TBL1XR1: variants seen among roughly 807,000 people sequenced by gnomAD.
TBL1XR1 encodes the protein TBL1X/Y related 1, also known as F-box-like/WD repeat-containing protein TBL1XR1.
Under a neutral mutation model 66.9 loss-of-function variants are expected in TBL1XR1, and 5 were observed. The ratio of observed to expected loss-of-function variants is 0.07; its 90% CI spans 0.04 to 0.16. TBL1XR1 has a LOEUF of 0.16. Ranked by LOEUF, TBL1XR1 falls within the 10% of genes least tolerant of loss-of-function variation. The pLI is 1.00. For synonymous variants in TBL1XR1, 210 were observed against 206.0 expected (o/e 1.02, Z -0.17); for missense variants, 238 against 623.2 (o/e 0.38, Z 6.58).
At chr3:177,087,448 C>T (rs1577123864) in intron 2 of TBL1XR1, among the ~76,000 whole-genome samples, 1 of 152,002 alleles carries the variant, frequency 6.6e-6, no homozygotes, top group African/African-American at 2.4e-5. Flanking sequence ...TTTAGCATTC[C>T]AACCTTTTTG....
intron 3 of TBL1XR1, among the ~76,000 whole-genome samples, chr3:177,055,220 T>C (rs1717644032): frequency 2.0e-5 from 3 of 152,294 alleles, no homozygotes; most frequent in South Asian, 2.1e-4. Context: ...TCCACTCTTA[T>C]ACTCCTTGTG....
intron 1 of TBL1XR1, among the ~76,000 whole-genome samples, chr3:177,159,073 A>C (rs1297971614): frequency 1.3e-5 from 2 of 152,198 alleles, no homozygotes; most frequent in Non-Finnish European, 2.9e-5. Context: ...AAAAAGAACA[A>C]GAAGAATTTT....
intron 1 of TBL1XR1, among the ~76,000 whole-genome samples, chr3:177,126,290 C>T (rs1267511260): frequency 6.6e-6 from 1 of 152,198 alleles, no homozygotes; most frequent in African/African-American, 2.4e-5. Flanking sequence ...GATGTTGATG[C>T]TGCCAAGGAT....
chr3:177,156,335 C>A (rs1232514713), intron 1 of TBL1XR1, among the ~76,000 whole-genome samples: 2 of 151,102 alleles, frequency 1.3e-5, no homozygotes, highest in Non-Finnish European at 3.0e-5. Context: ...CCCGTCTCTA[C>A]TGAAAACACA....
chr3:177,143,018 T>C (rs1338113736), intron 1 of TBL1XR1, among the ~76,000 whole-genome samples: 2 of 151,714 alleles, frequency 1.3e-5, no homozygotes, highest in African/African-American at 2.4e-5. Flanking sequence ...GTGCTTTCTG[T>C]TGGTCATTTC....
intron 1 of TBL1XR1, among the ~76,000 whole-genome samples, chr3:177,157,845 C>T (rs554095297): frequency 1.3e-5 from 2 of 152,220 alleles, no homozygotes; most frequent in South Asian, 4.1e-4. Context: ...ACGTGATCTT[C>T]GTCTTAAATT....
rs141136876 is a variant in TBL1XR1 at position 177,057,928 on chromosome 3, C to T, written c.59-4010G>A. Among the ~76,000 whole-genome samples, 351 of 152,172 alleles carry T rather than the reference C, an allele frequency of 2.3e-3. 3 individuals carry two copies. In the Middle Eastern group the frequency reaches 0.034, roughly 15 times the overall value. On this transcript the variant is annotated intron_variant, in intron 3 of 15. Transcript: ENST00000457928. ...ACAGCTGGCAGGGAGTGGGGTGGCA[C>T]GCATGAAGATCACAAAACAGCCATT...
intron 1 of TBL1XR1, among the ~76,000 whole-genome samples, chr3:177,101,655 CCT>C (rs1162082299): frequency 6.6e-6 from 1 of 152,160 alleles, no homozygotes; most frequent in African/African-American, 2.4e-5. Context: ...ACAGGCGGCC[CCT>C]CAAGCCTGGA....
intron 1 of TBL1XR1, among the ~76,000 whole-genome samples, chr3:177,105,968 A>G (rs971826807): frequency 1.3e-5 from 2 of 152,026 alleles, no homozygotes; most frequent in African/African-American, 4.8e-5. Context: ...AACTAGAGGG[A>G]GAAATATGTT....
At chr3:177,145,340 T>C (rs1018705109) in intron 1 of TBL1XR1, among the ~76,000 whole-genome samples, 21 of 152,316 alleles carry the variant, frequency 1.4e-4, no homozygotes, top group East Asian at 3.9e-4. Flanking sequence ...CTGCATTGTT[T>C]TTTTCAGTGA....
intron 1 of TBL1XR1, among the ~76,000 whole-genome samples, chr3:177,185,941 T>G (rs1735353781): frequency 6.6e-6 from 1 of 151,946 alleles, no homozygotes; most frequent in Non-Finnish European, 1.5e-5. Context: ...AGCCCAGGAG[T>G]TGGAGGGTAA....
intron 10 of TBL1XR1, among the ~76,000 whole-genome samples, chr3:177,045,627 T>A (rs1479032659): frequency 6.6e-6 from 1 of 152,170 alleles, no homozygotes; most frequent in Non-Finnish European, 1.5e-5. Context: ...AGACAAATAC[T>A]CAGGTACCTG....
chr3:177,095,797 G>C (rs1473623171), intron 2 of TBL1XR1, among the ~76,000 whole-genome samples: 1 of 152,060 alleles, frequency 6.6e-6, no homozygotes, highest in African/African-American at 2.4e-5. Flanking sequence ...AGTGCAATTA[G>C]ATTTAAAATT....
At chr3:177,158,167 AAAAC>A (rs1295362085) in intron 1 of TBL1XR1, among the ~76,000 whole-genome samples, 2 of 151,656 alleles carry the variant, frequency 1.3e-5, no homozygotes, top group East Asian at 3.9e-4. Flanking sequence ...AAGTAAAACA[AAAAC>A]AAAAACAAAA....
intron 2 of TBL1XR1, among the ~76,000 whole-genome samples, chr3:177,069,839 A>AGGAAGGAAGGAG (rs1719726765): frequency 6.6e-6 from 1 of 150,610 alleles, no homozygotes; most frequent in Non-Finnish European, 1.5e-5. Context: ...GAAGGAAGGA[A>AGGAAGGAAGGAG]GGAAGGAAGG....
intron 12 of TBL1XR1, among the ~76,000 whole-genome samples, chr3:177,034,862 A>C (rs1355361270): frequency 6.6e-6 from 1 of 152,164 alleles, no homozygotes; most frequent in Non-Finnish European, 1.5e-5. Context: ...TGAGATGAAA[A>C]TATGCCTGTG....
rs1712484223 is a variant in TBL1XR1, at chr3:177,022,301, T to G, written c.*3197A>C. 1.3e-5 allele frequency: 2 copies of G among 152,528 alleles called. 1 individual carries two copies. Among genetic ancestry groups the G allele is most frequent in the South Asian group, 4.1e-4 (2 of 4,836 alleles). The allele number at this position is 152,528 out of a possible 1,614,324, so 9.4% of individuals were successfully genotyped here. A position where few individuals can be genotyped will look rare whatever the true frequency, so the allele number is the denominator to read the frequency against. ...GCACTTTCAGTATCTGTAAAAGGTA[T>G]TTAATCCTAAAACATACTTACCTAG... On this transcript the variant is annotated 3_prime_UTR_variant, in exon 16 of 16. Coordinates refer to ENST00000457928, the MANE Select transcript of TBL1XR1 (RefSeq NM_024665.7).
intron 1 of TBL1XR1, among the ~76,000 whole-genome samples, chr3:177,127,528 T>C (rs879850888): frequency 3.3e-5 from 5 of 152,236 alleles, no homozygotes; most frequent in African/African-American, 9.6e-5. Flanking sequence ...CTATCTTGTA[T>C]ACTATTCTTC....
At chr3:177,072,670 G>A in intron 2 of TBL1XR1, among the ~76,000 whole-genome samples, 1 of 152,196 alleles carries the variant, frequency 6.6e-6, no homozygotes, top group East Asian at 1.9e-4. Flanking sequence ...TGAATTGCAA[G>A]TTACACTAGC....
Sources: allele counts gnomAD v4.1 joint callset (sites outside exome capture counted in the v4.1 genomes callset), GRCh38; gene constraint gnomAD v4.1.1; transcripts MANE v1.5; gene names NCBI Gene and HGNC (gene_info 2026-07-23, HGNC 2026-07-21).